The following CDON variants were observed in gnomAD, a reference collection of about 807,000 sequenced individuals.
CDON encodes cell adhesion associated, oncogene regulated, also known as cell adhesion molecule-related/down-regulated by oncogenes.
A neutral mutation model predicts 120.9 loss-of-function variants in CDON; 73 were observed. That is an observed-to-expected ratio of 0.60 (90% confidence interval 0.50 to 0.73). CDON has a LOEUF of 0.73. Ranked by LOEUF, CDON falls within the 30% of genes least tolerant of loss-of-function variation. The probability of loss-of-function intolerance (pLI) is 0.00; values close to 1 mark genes in which losing one functional copy is unlikely to be tolerated. For missense variants in CDON, 1,470 were observed against 1,587.3 expected (o/e 0.93, Z 1.26); for synonymous variants, 566 against 573.5 (o/e 0.99, Z 0.19).
chr11:126,020,726 T>G (rs140686383), intron 3 of CDON, among the ~76,000 whole-genome samples: 22 of 152,360 alleles, frequency 1.4e-4, no homozygotes, highest in Non-Finnish European at 1.8e-4. Context: ...GTAAGTTCAA[T>G]ACTCAACATT....
chr11:126,032,943 G>A (rs1023361556), intron 1 of CDON, among the ~76,000 whole-genome samples: 20 of 152,188 alleles, frequency 1.3e-4, no homozygotes, highest in African/African-American at 4.6e-4. Flanking sequence ...AGGAGGTTGA[G>A]GCTGCAGTGA....
chr11:125,958,558 T>A lies in CDON; in HGVS notation c.*2384A>T, dbSNP rs1475559748. On this transcript the variant is annotated 3_prime_UTR_variant, in exon 20 of 20. Coordinates refer to ENST00000531738, the MANE Select transcript of CDON (RefSeq NM_001378964.1). ...AAATATAAAGGCAATTATATATATA[T>A]ATATATATGTGTGTGTGTGTGTGTG... 2.1e-5 allele frequency: 2 copies of A among 94,872 alleles called. No individual in the cohort carries two copies. Among genetic ancestry groups the A allele is most frequent in the Non-Finnish European group, 4.2e-5 (2 of 47,734 alleles). 5.9% of individuals were successfully genotyped at this position (94,872 alleles called of 1,614,324 possible).
In CDON at chr11:126,021,302, C is replaced by T; in HGVS notation, c.295G>A (p.Ala99Thr). The T allele has an allele frequency of 6.2e-7, 1 of 1,614,126 alleles. No homozygotes were observed. The highest frequency in any genetic ancestry group is 8.5e-7 in the Non-Finnish European group (1 of 1,179,982). The change falls in exon 3 of 20, where the codon GCC becomes ACC. Residue 99 changes from alanine to threonine, a missense_variant. By Grantham distance (58) the Ala-to-Thr change is moderately conservative (BLOSUM62 0). Transcript: ENST00000531738. ...ACAATGGCACCGATGCTATTGTTGG[C>T]AAGGCACTGGTAGTAACCCAAAAGA... Reference protein sequence around the residue: ...SSLLGYYQCLANNSIGAIVSG... With the variant: ...SSLLGYYQCLTNNSIGAIVSG...
rs1470087321 is a variant in CDON, at chr11:125,989,663, C to T, written c.2747G>A (p.Ser916Asn). ...CFNEGGESEF[S>N]NVMICETKVK... ...TTTAGTCTCGCAGATCATCACATTGCTAAATTCACTTTCTCCTCCTTCATT... is the reference window on the plus strand; with the variant it reads ...TTTAGTCTCGCAGATCATCACATTGTTAAATTCACTTTCTCCTCCTTCATT... Residue 916 changes from serine to asparagine, a missense_variant, in exon 15 of 20, where the codon AGC (serine) becomes AAC (asparagine). Physicochemically the swap from Ser to Asn is conservative, Grantham distance 46. Coordinates refer to ENST00000531738, the MANE Select transcript of CDON (RefSeq NM_001378964.1). 1 of 1,613,414 alleles carries T rather than the reference C, an allele frequency of 6.2e-7. No homozygotes were observed. The highest frequency in any genetic ancestry group is 2.2e-5 in the East Asian group (1 of 44,874).
At position 126,034,055 on chromosome 11, in the gene CDON, G is replaced by A. The variant is rs570507353; in HGVS notation, c.-61-10518C>T. On this transcript the variant is annotated intron_variant, in intron 1 of 19. Coordinates refer to ENST00000531738, the MANE Select transcript of CDON (RefSeq NM_001378964.1). This position sits in a 1 kb window ranked among gnomAD's most constrained non-coding sequence, Gnocchi z 4.5. ...CTTCCTGCCAGGATGAAGCCCCTGG[G>A]TGTGAAATGCAGCTTTCCACAGTAC... 6.6e-6 allele frequency among the ~76,000 whole-genome samples: 1 copy of A among 152,028 alleles called. No homozygotes were observed. The highest frequency in any genetic ancestry group is 1.5e-5 in the Non-Finnish European group (1 of 67,996).
intron 14 of CDON, 64 bp downstream of exon 14, chr11:125,994,220 A>G (rs1015763061): frequency 3.4e-5 from 29 of 841,462 alleles, no homozygotes; most frequent in Non-Finnish European, 6.0e-5. Context: ...GATGCATTTT[A>G]TATTCATAAA....
intron 18 of CDON, among the ~76,000 whole-genome samples, chr11:125,973,718 T>C (rs1048467719): frequency 6.6e-6 from 1 of 152,166 alleles, no homozygotes; most frequent in Admixed American, 6.5e-5. Context: ...TGTGTATAAA[T>C]GGTCCCCTTT....
intron 3 of CDON, 105 bp downstream of exon 3, chr11:126,021,143 A>T: frequency 8.2e-7 from 1 of 1,224,468 alleles, no homozygotes. Flanking sequence ...AAAAACTCCT[A>T]TATGCTTTAC....
intron 15 of CDON, 125 bp from the exon 16 acceptor site, chr11:125,984,218 C>G: frequency 1.4e-6 from 1 of 723,620 alleles, no homozygotes; most frequent in Non-Finnish European, 2.4e-6. Context: ...ACTGAGATGA[C>G]CTGACCACCA....
chr11:125,994,651 TAAC>T (rs1237777126), intron 13 of CDON, among the ~76,000 whole-genome samples: 3 of 152,238 alleles, frequency 2.0e-5, no homozygotes. Context: ...GCAATTAAGT[TAAC>T]AACATTTGGA....
At chr11:125,975,989 T>C (rs1417304948) in intron 18 of CDON, among the ~76,000 whole-genome samples, 1 of 152,224 alleles carries the variant, frequency 6.6e-6, no homozygotes, top group African/African-American at 2.4e-5. Flanking sequence ...CGCTTCTTTT[T>C]ATGTTTACAC....
At chr11:126,062,912 C>G (rs1591446914), upstream of CDON, 1 of 151,734 alleles carries the variant, frequency 6.6e-6, no homozygotes, top group African/African-American at 2.4e-5. Flanking sequence ...CCGGGGAGCG[C>G]GGGCACGTAA....
intron 8 of CDON, among the ~76,000 whole-genome samples, chr11:126,007,607 G>A (rs1947165635): frequency 6.6e-6 from 1 of 152,124 alleles, no homozygotes; most frequent in African/African-American, 2.4e-5. Context: ...ACTGGGAAGT[G>A]GGATCTGGCT....
chr11:126,026,337 T>C (rs7935455), intron 1 of CDON, among the ~76,000 whole-genome samples: 3,619 of 152,330 alleles, frequency 0.024, 145 homozygotes, highest in African/African-American at 0.082. Context: ...CTGCCCCATG[T>C]TCCTGCTTAG....
At chr11:125,973,393 G>T (rs1481828624) in intron 18 of CDON, among the ~76,000 whole-genome samples, 1 of 152,104 alleles carries the variant, frequency 6.6e-6, no homozygotes, top group African/African-American at 2.4e-5. Context: ...TTAGCCGGGC[G>T]TGGTGGCGGG....
chr11:126,018,488 G>C lies in CDON; in HGVS notation c.497-15C>G, dbSNP rs1328395359. ...TAAGTAATTCTCTGAGGAAGGAAGG[G>C]AGTGCAGTTAGGCCTCTCCCTTTAT... On this transcript the variant is annotated splice_polypyrimidine_tract_variant and intron_variant, in intron 4 of 19. Transcript: ENST00000531738. 1 of 1,612,670 alleles carries C rather than the reference G, an allele frequency of 6.2e-7. No individual in the cohort carries two copies. The highest frequency in any genetic ancestry group is 8.5e-7 in the Non-Finnish European group (1 of 1,178,824).
chr11:125,987,732 A>C (rs1487162750), intron 15 of CDON, among the ~76,000 whole-genome samples: 1 of 152,190 alleles, frequency 6.6e-6, no homozygotes, highest in Non-Finnish European at 1.5e-5. Context: ...AGAGATGATA[A>C]ATTTCATTTT....
intron 16 of CDON, among the ~76,000 whole-genome samples, chr11:125,982,683 G>A (rs1034540826): frequency 3.3e-5 from 5 of 152,170 alleles, no homozygotes; most frequent in Admixed American, 6.5e-5. Flanking sequence ...ACCACCATGA[G>A]AATTTTCCAT....
chr11:126,028,373 C>T (rs1038456321), intron 1 of CDON, among the ~76,000 whole-genome samples: 1 of 147,764 alleles, frequency 6.8e-6, no homozygotes, highest in African/African-American at 2.5e-5. Context: ...TATTAAAATT[C>T]TTTTTTTTTT....
Sources: allele counts gnomAD v4.1 joint callset (sites outside exome capture counted in the v4.1 genomes callset), GRCh38; gene constraint gnomAD v4.1.1; non-coding constraint Gnocchi (gnomAD v3.1); transcripts MANE v1.5; gene names NCBI Gene and HGNC (gene_info 2026-07-23, HGNC 2026-07-21).